The following ZSCAN25 variants were observed in gnomAD, a reference collection of about 807,000 sequenced individuals.
The protein encoded by ZSCAN25 is zinc finger and SCAN domain containing 25.
A neutral mutation model predicts 38.7 loss-of-function variants in ZSCAN25; 27 were observed. That is an observed-to-expected ratio of 0.70 (90% CI 0.51 to 0.96). The LOEUF (loss-of-function observed/expected upper bound fraction) is 0.96. Among genes scored for constraint, ZSCAN25 ranks in the 40% least tolerant of loss-of-function variants. The pLI is 0.00. For missense variants in ZSCAN25, 637 were observed against 705.9 expected, an observed-to-expected ratio of 0.90 and a Z score of 1.11; for synonymous variants, 273 against 277.7, an observed-to-expected ratio of 0.98 and a Z score of 0.17.
the ZSCAN25 span, among the ~76,000 whole-genome samples, chr7:99,714,209 A>T: frequency 6.6e-6 from 1 of 152,242 alleles, no homozygotes. Context: ...TAGAGAAAGC[A>T]TAATACCAAT....
At chr7:99,717,259 G>A in the ZSCAN25 span, 3 of 1,613,884 alleles carry the variant, frequency 1.9e-6, no homozygotes, top group Non-Finnish European at 2.5e-6. Flanking sequence ...GCAATGATAG[G>A]GACCATCTAA....
At chr7:99,623,556 C>G (rs1433387667) in intron 6 of ZSCAN25, among the ~76,000 whole-genome samples, 1 of 152,224 alleles carries the variant, frequency 6.6e-6, no homozygotes, top group East Asian at 1.9e-4. Flanking sequence ...TGGTCCTGCT[C>G]AAGCCGTATT....
chr7:99,620,331 C>G, intron 4 of ZSCAN25: 1 of 242,336 alleles, frequency 4.1e-6, no homozygotes, highest in Admixed American at 5.0e-5. Flanking sequence ...ACAGAGATGC[C>G]TCTGGGAAGG....
the ZSCAN25 span, chr7:99,705,598 G>A: frequency 1.9e-6 from 3 of 1,612,990 alleles, no homozygotes; most frequent in Admixed American, 3.3e-5. Context: ...AGGGGGATCT[G>A]CAACAGTTAA....
the ZSCAN25 span, among the ~76,000 whole-genome samples, chr7:99,726,251 G>A: frequency 1.3e-5 from 2 of 151,936 alleles, 1 homozygote; most frequent in African/African-American, 4.8e-5. Context: ...CCAGCTTAAC[G>A]CCAGTATCCC....
chr7:99,725,495 C>T, the ZSCAN25 span, among the ~76,000 whole-genome samples: 2 of 152,242 alleles, frequency 1.3e-5, no homozygotes, highest in Non-Finnish European at 2.9e-5. Flanking sequence ...ATCCAAGCCA[C>T]AGCTCCCAGG....
intron 7 of ZSCAN25, among the ~76,000 whole-genome samples, chr7:99,628,059 C>G (rs1807649922): frequency 6.6e-6 from 1 of 151,844 alleles, no homozygotes; most frequent in African/African-American, 2.4e-5. Context: ...CGAGACCAGC[C>G]TGGGCAACAT....
chr7:99,695,402 A>ACTCTTAAT, the ZSCAN25 span, among the ~76,000 whole-genome samples: 1 of 152,074 alleles, frequency 6.6e-6, no homozygotes, highest in East Asian at 1.9e-4. Context: ...TCCTTTTCCT[A>ACTCTTAAT]CTCTTAATAC....
At chr7:99,728,109 C>T in the ZSCAN25 span, among the ~76,000 whole-genome samples, 2 of 152,182 alleles carry the variant, frequency 1.3e-5, no homozygotes, top group African/African-American at 2.4e-5. Flanking sequence ...TTTACTCTCC[C>T]ACTGAAGTTT....
chr7:99,624,212 T>C, intron 7 of ZSCAN25, 32 bp downstream of exon 7: 1 of 1,612,384 alleles, frequency 6.2e-7, no homozygotes, highest in Non-Finnish European at 8.5e-7. Flanking sequence ...GGTGAGGAAC[T>C]GGGGAGTTCT....
rs1315857556 is a variant in ZSCAN25, at chr7:99,622,056, C to G, written c.589+482C>G. On this transcript the variant is annotated intron_variant, in intron 5 of 7. Transcript: ENST00000394152. ...TCTCCTGCTTCAGCCTCCCAAGTAGCTGGGCCTACAGGCATGTGCCACCAT... is the reference window on the plus strand; with the variant it reads ...TCTCCTGCTTCAGCCTCCCAAGTAGGTGGGCCTACAGGCATGTGCCACCAT... 4.9e-5 allele frequency: 8 copies of G among 162,852 alleles called. No homozygotes were observed. The East Asian group carries it at 1.5e-3, about 31-fold the overall frequency. 10.1% of individuals were successfully genotyped at this position (162,852 alleles called of 1,614,324 possible). A position where few individuals can be genotyped will look rare whatever the true frequency, so the allele number is the denominator to read the frequency against.
intron 4 of ZSCAN25, 176 bp downstream of exon 4, chr7:99,620,169 TC>T: frequency 2.2e-6 from 2 of 911,582 alleles, no homozygotes; most frequent in Middle Eastern, 3.5e-4. Context: ...GAAAGGCCAT[TC>T]CCAGGGGAGA....
chr7:99,661,020 G>A, the ZSCAN25 span, among the ~76,000 whole-genome samples: 4,477 of 152,206 alleles, frequency 0.029, 215 homozygotes, highest in African/African-American at 0.1. Context: ...GTAAATATGG[G>A]GTAGGCTTTT....
intron 7 of ZSCAN25, among the ~76,000 whole-genome samples, chr7:99,625,214 A>G (rs1274787119): frequency 1.3e-5 from 2 of 152,070 alleles, no homozygotes; most frequent in African/African-American, 2.4e-5. Context: ...TCATGGTGCC[A>G]TGAGGATGAA....
At chr7:99,699,770 G>A in the ZSCAN25 span, among the ~76,000 whole-genome samples, 3 of 152,142 alleles carry the variant, frequency 2.0e-5, no homozygotes, top group Non-Finnish European at 2.9e-5. Context: ...TTAGAAGGTG[G>A]CTGGGACAAA....
intron 7 of ZSCAN25, among the ~76,000 whole-genome samples, chr7:99,624,885 C>T (rs1023753994): frequency 3.3e-5 from 5 of 152,198 alleles, no homozygotes; most frequent in African/African-American, 1.2e-4. Context: ...AGTCTGCATG[C>T]GTGGAATCAG....
intron 1 of ZSCAN25, among the ~76,000 whole-genome samples, chr7:99,617,249 C>G (rs560218366): frequency 4.6e-5 from 7 of 152,328 alleles, no homozygotes; most frequent in Admixed American, 1.3e-4. Flanking sequence ...CAGGTAGGAG[C>G]GAGGCTGATC....
At chr7:99,652,131 T>C in the ZSCAN25 span, among the ~76,000 whole-genome samples, 1 of 150,982 alleles carries the variant, frequency 6.6e-6, no homozygotes, top group African/African-American at 2.4e-5. Flanking sequence ...AATAACATCA[T>C]GGTTAAATGG....
chr7:99,680,185 TC>T, the ZSCAN25 span, among the ~76,000 whole-genome samples: 1 of 152,148 alleles, frequency 6.6e-6, no homozygotes, highest in Admixed American at 6.5e-5. Flanking sequence ...TATCAGAAAC[TC>T]AAGTGGAGCC....
Sources: gnomAD v4.1 joint callset for allele counts (sites outside exome capture counted in the v4.1 genomes callset) on GRCh38, gnomAD v4.1.1 for gene constraint, MANE v1.5 for transcripts, NCBI Gene and HGNC (gene_info 2026-07-23, HGNC 2026-07-21) for gene names.